FBXL17: variants seen among roughly 807,000 people sequenced by gnomAD.
The protein encoded by FBXL17 is F-box/LRR-repeat protein 17.
Under a neutral mutation model 66.2 loss-of-function variants are expected in FBXL17, and 22 were observed. That is an observed-to-expected ratio of 0.33 (90% confidence interval 0.24 to 0.47). The LOEUF (loss-of-function observed/expected upper bound fraction) is 0.47. FBXL17 is among the 20% of genes least tolerant of loss of function. The probability of loss-of-function intolerance (pLI) is 1.00; values close to 1 mark genes in which losing one functional copy is unlikely to be tolerated. For missense variants in FBXL17, 878 were observed against 948.2 expected (o/e 0.93, Z 0.97); for synonymous variants, 474 against 400.5 (o/e 1.18, Z -2.19).
At chr5:107,961,585 TGGGGCAA>T (rs1751910762) in intron 7 of FBXL17, among the ~76,000 whole-genome samples, 1 of 151,692 alleles carries the variant, frequency 6.6e-6, no homozygotes, top group South Asian at 2.1e-4. Flanking sequence ...GCAGTAAGAG[TGGGGCAA>T]GGGGCAAGGA....
At chr5:108,168,319 C>T (rs563205655) in intron 6 of FBXL17, among the ~76,000 whole-genome samples, 5 of 152,248 alleles carry the variant, frequency 3.3e-5, no homozygotes, top group Non-Finnish European at 7.4e-5. Flanking sequence ...AGGGTGATCT[C>T]ATGGAGAAAA....
chr5:108,377,130 C>A (rs1172411106), intron 1 of FBXL17, among the ~76,000 whole-genome samples: 2 of 152,164 alleles, frequency 1.3e-5, no homozygotes, highest in Non-Finnish European at 1.5e-5. Flanking sequence ...CAGCTTGAGC[C>A]TGCTCTTTAA....
intron 4 of FBXL17, among the ~76,000 whole-genome samples, chr5:108,297,427 A>C (rs1476577339): frequency 2.0e-5 from 3 of 151,766 alleles, no homozygotes; most frequent in Non-Finnish European, 4.4e-5. Context: ...AGGTTGACCA[A>C]GAGATGGTGC....
intron 6 of FBXL17, among the ~76,000 whole-genome samples, chr5:108,168,552 C>A (rs1030249477): frequency 2.6e-5 from 4 of 152,136 alleles, no homozygotes; most frequent in Non-Finnish European, 5.9e-5. Flanking sequence ...TAAGGATTAA[C>A]TGTTTTGAAG....
chr5:108,198,875 G>C (rs13162374), intron 5 of FBXL17, among the ~76,000 whole-genome samples: 1 of 152,010 alleles, frequency 6.6e-6, no homozygotes, highest in Non-Finnish European at 1.5e-5. Context: ...TAATCAGAAA[G>C]ATCTCTCTAA....
chr5:108,129,417 T>C (rs1750841608), intron 6 of FBXL17, among the ~76,000 whole-genome samples: 1 of 152,098 alleles, frequency 6.6e-6, no homozygotes, highest in Admixed American at 6.5e-5. Flanking sequence ...ATTTACACTC[T>C]TAAAATAGAC....
chr5:107,951,646 T>C (rs1266633970), intron 7 of FBXL17, among the ~76,000 whole-genome samples: 1 of 152,230 alleles, frequency 6.6e-6, no homozygotes, highest in African/African-American at 2.4e-5. Context: ...GCTAAGCAAA[T>C]GGATCTAACT....
At chr5:108,033,235 T>C (rs1031438573) in intron 6 of FBXL17, among the ~76,000 whole-genome samples, 22 of 152,152 alleles carry the variant, frequency 1.4e-4, no homozygotes, top group African/African-American at 5.1e-4. Flanking sequence ...TATCCATCCA[T>C]CAGTTTATCT....
At chr5:107,992,002 G>A (rs1274575074) in intron 7 of FBXL17, among the ~76,000 whole-genome samples, 1 of 152,106 alleles carries the variant, frequency 6.6e-6, no homozygotes, top group Non-Finnish European at 1.5e-5. Flanking sequence ...CAAATGAAGT[G>A]AGGGGACCAA....
chr5:108,237,550 T>C lies in FBXL17; in HGVS notation c.1507-13322A>G, dbSNP rs185850156. Among the ~76,000 whole-genome samples the C allele has an allele frequency of 3.3e-5, 5 of 152,340 alleles. No individual in the cohort carries two copies. The East Asian group carries it at 9.6e-4, about 29-fold the overall frequency. The stretch of plus-strand genomic sequence containing the variant: ...ATTTTATTAGCAATATAGAGACATA[T>C]GAGCTTAATGGACTTTAATATCCCC... On this transcript the variant is annotated intron_variant, in intron 4 of 8. Coordinates refer to ENST00000542267, the MANE Select transcript of FBXL17 (RefSeq NM_001163315.3).
chr5:108,243,404 G>A (rs1266455731), intron 4 of FBXL17, among the ~76,000 whole-genome samples: 1 of 152,148 alleles, frequency 6.6e-6, no homozygotes, highest in Non-Finnish European at 1.5e-5. Flanking sequence ...ATCTACTAAT[G>A]TAACAGCCAT....
intron 6 of FBXL17, among the ~76,000 whole-genome samples, chr5:108,050,065 C>T (rs1295156087): frequency 6.6e-6 from 1 of 152,194 alleles, no homozygotes; most frequent in Non-Finnish European, 1.5e-5. Flanking sequence ...GTACCCAATA[C>T]AGGAGCACCC....
chr5:107,870,900 C>T (rs1748424388), intron 8 of FBXL17, among the ~76,000 whole-genome samples: 1 of 151,900 alleles, frequency 6.6e-6, no homozygotes, highest in Non-Finnish European at 1.5e-5. Flanking sequence ...GAAAAGTTGA[C>T]TATGTTACTG....
At chr5:108,321,423 A>G (rs1474105289) in intron 4 of FBXL17, among the ~76,000 whole-genome samples, 1 of 151,886 alleles carries the variant, frequency 6.6e-6, no homozygotes, top group Non-Finnish European at 1.5e-5. Context: ...TGCAGGTATG[A>G]AAAAATGGCC....
At chr5:108,111,691 T>C (rs766751623) in intron 6 of FBXL17, among the ~76,000 whole-genome samples, 1 of 152,206 alleles carries the variant, frequency 6.6e-6, no homozygotes, top group Non-Finnish European at 1.5e-5. Context: ...TGTAAAAAAC[T>C]GTCTGTACAT....
At chr5:108,035,032 C>CTAA (rs1746787384) in intron 6 of FBXL17, among the ~76,000 whole-genome samples, 1 of 152,092 alleles carries the variant, frequency 6.6e-6, no homozygotes, top group African/African-American at 2.4e-5. Context: ...TACTAATGAT[C>CTAA]TAATACAGAA....
At chr5:108,298,908 A>G in intron 4 of FBXL17, 1 of 939,812 alleles carries the variant, frequency 1.1e-6, no homozygotes, top group Non-Finnish European at 1.3e-6. Flanking sequence ...ATCCACATTA[A>G]AAGTATAGCA....
chr5:107,973,354 A>ATTTTTTTTTTTTTTTTT (rs200079422), intron 7 of FBXL17, among the ~76,000 whole-genome samples: 1 of 120,434 alleles, frequency 8.3e-6, no homozygotes, highest in Non-Finnish European at 1.8e-5. Context: ...TTTTTTTGTA[A>ATTTTTTTTTTTTTTTTT]TTTTTTTTTT....
chr5:107,867,223 T>C (rs1196975218), intron 8 of FBXL17, among the ~76,000 whole-genome samples: 1 of 152,234 alleles, frequency 6.6e-6, no homozygotes, highest in Non-Finnish European at 1.5e-5. Flanking sequence ...GTCTTTTCCA[T>C]CTGACATCAC....
Sources: gnomAD v4.1 joint callset for allele counts (sites outside exome capture counted in the v4.1 genomes callset) on GRCh38, gnomAD v4.1.1 for gene constraint, MANE v1.5 for transcripts, NCBI Gene and HGNC (gene_info 2026-07-23, HGNC 2026-07-21) for gene names.